The following NCOR1 variants were observed in gnomAD, a reference collection of about 807,000 sequenced individuals.
NCOR1 encodes protein phosphatase 1, regulatory subunit 109.
NCOR1 carries 63 observed loss-of-function variants against 288.1 expected under a neutral mutation model. The ratio of observed to expected loss-of-function variants is 0.22; its 90% CI spans 0.18 to 0.27. NCOR1 has a LOEUF of 0.27. Ranked by LOEUF, NCOR1 falls within the 10% of genes least tolerant of loss-of-function variation. The pLI is 1.00. For synonymous variants in NCOR1, 1,007 were observed against 1,065.9 expected, an observed-to-expected ratio of 0.94 and a Z score of 1.08; for missense variants, 2,397 against 3,019.2, an observed-to-expected ratio of 0.79 and a Z score of 4.83.
Position 16,116,425 on chromosome 17 carries a change from G to C in NCOR1, c.2055+1463C>G, listed in dbSNP as rs73981457. Among the ~76,000 whole-genome samples the C allele has an allele frequency of 7.0e-3, 1,064 of 152,310 alleles. 11 individuals carry two copies. Among genetic ancestry groups the C allele is most frequent in the African/African-American group, 0.025 (1,023 of 41,550 alleles). On this transcript the variant is annotated intron_variant, in intron 18 of 45. Transcript: ENST00000268712. ...TCATCAGAAAATCTGTAATGAGAAGGTGTGAAGCTCATGGTTAGAGAAACA... is the reference window on the plus strand; with the variant it reads ...TCATCAGAAAATCTGTAATGAGAAGCTGTGAAGCTCATGGTTAGAGAAACA...
intron 3 of NCOR1, among the ~76,000 whole-genome samples, chr17:16,177,912 T>G (rs1182823283): frequency 6.6e-5 from 10 of 152,194 alleles, no homozygotes; most frequent in Admixed American, 6.5e-4. Context: ...ATTTTCTTTT[T>G]AAAAAACTCA....
chr17:16,161,717 T>C (rs535810864), intron 5 of NCOR1, among the ~76,000 whole-genome samples: 2 of 152,364 alleles, frequency 1.3e-5, no homozygotes, highest in East Asian at 3.9e-4. Context: ...AGAACATTAT[T>C]ATCACTGTTT....
intron 3 of NCOR1, 124 bp from the exon 4 acceptor site, chr17:16,172,119 C>A: frequency 1.4e-6 from 1 of 719,190 alleles, no homozygotes; most frequent in Non-Finnish European, 2.2e-6. Flanking sequence ...AAAGTGAATC[C>A]GTACCCCTTC....
At chr17:16,137,719 T>A (rs1236474867) in intron 13 of NCOR1, 1 of 230,636 alleles carries the variant, frequency 4.3e-6, no homozygotes, top group East Asian at 9.4e-5. Flanking sequence ...TGCAAATTTT[T>A]AAAATGTCTT....
chr17:16,164,827 A>C, intron 5 of NCOR1, 152 bp downstream of exon 5: 1 of 526,326 alleles, frequency 1.9e-6, no homozygotes, highest in South Asian at 3.8e-5. Flanking sequence ...AATGAATGTA[A>C]GAAAACCACA....
chr17:16,154,308 T>C (rs781723880), intron 6 of NCOR1, among the ~76,000 whole-genome samples: 1 of 152,232 alleles, frequency 6.6e-6, no homozygotes, highest in Non-Finnish European at 1.5e-5. Flanking sequence ...GACCCTCATA[T>C]GTTCGTAATA....
rs1261739786 is a variant in NCOR1 at position 16,161,915 on chromosome 17, TAA to T, written c.619-3044_619-3043del. Reference sequence around the variant, plus strand: ...GCAATATATTCATTATCTCAATTCATAAAACAATCATGTGATTTAGTTGGTGT... The same window carrying T: ...GCAATATATTCATTATCTCAATTCATAACAATCATGTGATTTAGTTGGTGT... On this transcript the variant is annotated intron_variant, in intron 5 of 45. Transcript: ENST00000268712. Among the ~76,000 whole-genome samples, 3 of 152,266 alleles carry T rather than the reference TAA, an allele frequency of 2.0e-5. No individual in the cohort carries two copies. In the East Asian group the frequency reaches 5.8e-4, roughly 29 times the overall value.
intron 44 of NCOR1, among the ~76,000 whole-genome samples, chr17:16,038,570 T>C (rs538417231): frequency 1.3e-3 from 197 of 151,922 alleles, no homozygotes; most frequent in Middle Eastern, 3.4e-3. Flanking sequence ...CACAAGTAAC[T>C]GGGACTACAG....
At chr17:16,208,191 C>T (rs1022934754) in intron 1 of NCOR1, among the ~76,000 whole-genome samples, 2 of 147,350 alleles carry the variant, frequency 1.4e-5, no homozygotes, top group East Asian at 1.9e-4. Context: ...CAGGCGCGTG[C>T]CACCATGCCC....
chr17:16,149,613 A>T, intron 8 of NCOR1, 96 bp from the exon 9 acceptor site: 1 of 494,002 alleles, frequency 2.0e-6, no homozygotes, highest in Non-Finnish European at 3.6e-6. Flanking sequence ...ATAGGCAAAG[A>T]TCACTTAAGA....
At chr17:16,166,102 T>G (rs1399450429) in intron 4 of NCOR1, among the ~76,000 whole-genome samples, 1 of 152,220 alleles carries the variant, frequency 6.6e-6, no homozygotes, top group Non-Finnish European at 1.5e-5. Flanking sequence ...TATACACTGA[T>G]GAAAAGCCTC....
At chr17:16,035,698 C>T (rs1297967126) in intron 44 of NCOR1, among the ~76,000 whole-genome samples, 6 of 151,976 alleles carry the variant, frequency 3.9e-5, no homozygotes, top group Non-Finnish European at 5.9e-5. Flanking sequence ...CACACCACCA[C>T]ACCCGGCTAC....
intron 44 of NCOR1, among the ~76,000 whole-genome samples, chr17:16,035,902 C>T (rs1312834825): frequency 1.3e-5 from 2 of 152,122 alleles, no homozygotes; most frequent in Non-Finnish European, 2.9e-5. Flanking sequence ...GATCCCCTCC[C>T]AAGTTATCCA....
intron 44 of NCOR1, among the ~76,000 whole-genome samples, chr17:16,039,029 A>C (rs1233918251): frequency 2.0e-5 from 3 of 152,192 alleles, no homozygotes; most frequent in Non-Finnish European, 4.4e-5. Flanking sequence ...TCCGCCCCCC[A>C]AAGTGCTGGG....
intron 13 of NCOR1, 110 bp from the exon 14 acceptor site, chr17:16,137,522 A>T (rs1321005436): frequency 1.7e-6 from 1 of 590,566 alleles, no homozygotes; most frequent in Admixed American, 3.5e-5. Context: ...AAAATTAAAG[A>T]AAAAGAACAA....
chr17:16,138,590 A>C (rs1262775320), intron 12 of NCOR1, among the ~76,000 whole-genome samples: 1 of 152,256 alleles, frequency 6.6e-6, no homozygotes, highest in Non-Finnish European at 1.5e-5. Flanking sequence ...GTCTCAAAAA[A>C]AACAGAAGAG....
chr17:16,209,153 T>C (rs796960415), intron 1 of NCOR1, among the ~76,000 whole-genome samples: 4 of 152,108 alleles, frequency 2.6e-5, no homozygotes, highest in Non-Finnish European at 5.9e-5. Context: ...ATAAAAAATA[T>C]ACATTTTGGA....
chr17:16,145,180 C>G (rs372727390), intron 10 of NCOR1, among the ~76,000 whole-genome samples: 1 of 152,236 alleles, frequency 6.6e-6, no homozygotes, highest in African/African-American at 2.4e-5. Flanking sequence ...GGATTGCAGA[C>G]GGAGTCTCGC....
chr17:16,108,263 AT>A (rs984103153), intron 19 of NCOR1: 1 of 344,712 alleles, frequency 2.9e-6, no homozygotes, highest in Non-Finnish European at 5.9e-6. Context: ...TACCAAAAAA[AT>A]CAAGAAAACA....
Sources: gnomAD v4.1 joint callset for allele counts (sites outside exome capture counted in the v4.1 genomes callset) on GRCh38, gnomAD v4.1.1 for gene constraint, MANE v1.5 for transcripts, NCBI Gene and HGNC (gene_info 2026-07-23, HGNC 2026-07-21) for gene names.